Variants in GABRB2 observed in about 807,000 individuals in gnomAD.
The protein encoded by GABRB2 is gamma-aminobutyric acid receptor subunit beta-2.
GABRB2 carries 16 observed loss-of-function variants against 54.7 expected under a neutral mutation model. That is an observed-to-expected ratio of 0.29 (90% CI 0.20 to 0.44). The LOEUF is 0.44. GABRB2 is among the 20% of genes least tolerant of loss of function. The pLI, the probability that GABRB2 is intolerant of heterozygous loss-of-function variation, is 1.00. For missense variants in GABRB2, 355 were observed against 644.0 expected (o/e 0.55, Z 4.86); for synonymous variants, 244 against 233.8 (o/e 1.04, Z -0.40).
Position 161,335,253 on chromosome 5 carries a change from A to G in GABRB2, c.680-349T>C, listed in dbSNP as rs554717293. On this transcript the variant is annotated intron_variant, in intron 6 of 9. Coordinates refer to ENST00000393959, the MANE Select transcript of GABRB2 (RefSeq NM_001371727.1). Reference sequence around the variant, plus strand: ...CTTAGTAAGTTCATCCTGTAAGTTTAATCTTATGTGAGAGTGAGGCTGCAT... The same window carrying G: ...CTTAGTAAGTTCATCCTGTAAGTTTGATCTTATGTGAGAGTGAGGCTGCAT... 7.2e-5 allele frequency among the ~76,000 whole-genome samples: 11 copies of G among 152,242 alleles called. No homozygotes were observed. The East Asian group carries it at 1.9e-3, about 27-fold the overall frequency.
chr5:161,296,991 T>A (rs253041), intron 9 of GABRB2, among the ~76,000 whole-genome samples: 1 of 152,136 alleles, frequency 6.6e-6, no homozygotes, highest in Non-Finnish European at 1.5e-5. Context: ...TGACATGCCA[T>A]AGATGAAGTT....
intron 3 of GABRB2, among the ~76,000 whole-genome samples, chr5:161,464,942 T>C (rs554642764): frequency 6.6e-6 from 1 of 152,218 alleles, no homozygotes; most frequent in South Asian, 2.1e-4. Flanking sequence ...TTTTGGGTAA[T>C]AGAACTGTTC....
intron 5 of GABRB2, among the ~76,000 whole-genome samples, chr5:161,371,545 T>C (rs1755134138): frequency 6.6e-6 from 1 of 152,166 alleles, no homozygotes; most frequent in Non-Finnish European, 1.5e-5. Flanking sequence ...CAACAGAGCC[T>C]TATTCTAGAG....
intron 3 of GABRB2, among the ~76,000 whole-genome samples, chr5:161,529,142 G>C (rs145030407): frequency 6.6e-6 from 1 of 151,904 alleles, no homozygotes; most frequent in African/African-American, 2.4e-5. Context: ...CAACAACCAA[G>C]AAAAAAGTCA....
intron 3 of GABRB2, among the ~76,000 whole-genome samples, chr5:161,488,013 C>T (rs1758979796): frequency 6.6e-6 from 1 of 151,832 alleles, no homozygotes; most frequent in Admixed American, 6.6e-5. Context: ...TATTAAAATA[C>T]AGATGAACAC....
intron 4 of GABRB2, among the ~76,000 whole-genome samples, chr5:161,438,738 G>A (rs1278957616): frequency 6.6e-6 from 1 of 151,990 alleles, no homozygotes; most frequent in African/African-American, 2.4e-5. Context: ...AAAATTGAGT[G>A]GAAGAATGCA....
intron 3 of GABRB2, among the ~76,000 whole-genome samples, chr5:161,538,837 AAG>A (rs925577146): frequency 6.6e-6 from 1 of 152,132 alleles, no homozygotes; most frequent in African/African-American, 2.4e-5. Flanking sequence ...AAAAAAAAAA[AAG>A]TAAACACCTA....
At chr5:161,386,972 G>A (rs1755660385) in intron 5 of GABRB2, among the ~76,000 whole-genome samples, 1 of 152,042 alleles carries the variant, frequency 6.6e-6, no homozygotes, top group South Asian at 2.1e-4. Flanking sequence ...ACAGAAGAGT[G>A]TGCATAGAAT....
Position 161,336,818 on chromosome 5 carries a change from A to AC in GABRB2, c.542-50_542-49insG, listed in dbSNP as rs769775895. ...CACACACACAAATACAGAAAACAAA[A>AC]AAAAAAAAACAGACAAAACAGAAAA... On this transcript the variant is annotated intron_variant, in intron 5 of 9. Coordinates refer to ENST00000393959, the MANE Select transcript of GABRB2 (RefSeq NM_001371727.1). The AC allele has an allele frequency of 1.2e-5, 19 of 1,545,404 alleles. No individual in the cohort carries two copies. In the East Asian group the frequency reaches 1.8e-4, roughly 15 times the overall value.
intron 7 of GABRB2, among the ~76,000 whole-genome samples, chr5:161,332,094 AG>A (rs1753866114): frequency 7.1e-6 from 1 of 140,200 alleles, no homozygotes; most frequent in Non-Finnish European, 1.5e-5. Context: ...TGAACCCGGG[AG>A]GCGGAGCTTG....
chr5:161,464,304 A>C (rs1316981948), intron 3 of GABRB2, among the ~76,000 whole-genome samples: 1 of 152,154 alleles, frequency 6.6e-6, no homozygotes, highest in Non-Finnish European at 1.5e-5. Context: ...ACTTAACCAA[A>C]GATACAAATA....
chr5:161,434,343 A>T (rs905954011), intron 4 of GABRB2, among the ~76,000 whole-genome samples: 4 of 152,198 alleles, frequency 2.6e-5, no homozygotes, highest in African/African-American at 4.8e-5. Context: ...CAAAAAGACA[A>T]GTAAATGCAA....
rs2113329994 is a variant in GABRB2 at position 161,292,269 on chromosome 5, A to C, written c.*1812T>G. ...GAAAACATACATTATTCACAGGTGG[A>C]TACTGGCTGCTATGCACAATTAGGG... On this transcript the variant is annotated 3_prime_UTR_variant, in exon 10 of 10. Coordinates refer to ENST00000393959, the MANE Select transcript of GABRB2 (RefSeq NM_001371727.1). 1 of 152,344 alleles carries C rather than the reference A, an allele frequency of 6.6e-6. No individual in the cohort carries two copies. Among genetic ancestry groups the C allele is most frequent in the East Asian group, 1.9e-4 (1 of 5,188 alleles). 9.4% of individuals were successfully genotyped at this position (152,344 alleles called of 1,614,324 possible).
intron 4 of GABRB2, among the ~76,000 whole-genome samples, chr5:161,450,325 A>C (rs528508374): frequency 2.5e-3 from 375 of 152,274 alleles, no homozygotes; most frequent in Non-Finnish European, 4.4e-3. Flanking sequence ...GATGGGTCAG[A>C]AATATTTTAG....
intron 3 of GABRB2, among the ~76,000 whole-genome samples, chr5:161,464,805 A>G (rs1486359151): frequency 1.3e-5 from 2 of 152,102 alleles, no homozygotes; most frequent in African/African-American, 4.8e-5. Flanking sequence ...AAAAGGATAC[A>G]TATTGTATCA....
intron 5 of GABRB2, among the ~76,000 whole-genome samples, chr5:161,398,397 C>T (rs1756071415): frequency 1.3e-5 from 2 of 152,194 alleles, no homozygotes; most frequent in African/African-American, 4.8e-5. Flanking sequence ...AACAACAAAA[C>T]TGACTTTGGC....
chr5:161,380,581 A>G (rs1399669885), intron 5 of GABRB2, among the ~76,000 whole-genome samples: 1 of 152,124 alleles, frequency 6.6e-6, no homozygotes, highest in Non-Finnish European at 1.5e-5. Context: ...GAGTTTCAGG[A>G]GCATTGCTAA....
At chr5:161,402,247 G>A (rs1057170597) in intron 5 of GABRB2, among the ~76,000 whole-genome samples, 7 of 151,984 alleles carry the variant, frequency 4.6e-5, no homozygotes, top group Non-Finnish European at 7.4e-5. Context: ...TTTAAATGTA[G>A]ATACTAGGGA....
intron 4 of GABRB2, among the ~76,000 whole-genome samples, chr5:161,411,598 C>T (rs1756518264): frequency 6.6e-6 from 1 of 152,070 alleles, no homozygotes; most frequent in African/African-American, 2.4e-5. Flanking sequence ...TTATCTATAC[C>T]TGATTTCTGT....
Sources: gnomAD v4.1 joint callset for allele counts (sites outside exome capture counted in the v4.1 genomes callset) on GRCh38, gnomAD v4.1.1 for gene constraint, MANE v1.5 for transcripts, NCBI Gene and HGNC (gene_info 2026-07-23, HGNC 2026-07-21) for gene names.